The following AFF3 variants were observed in gnomAD, a reference collection of about 807,000 sequenced individuals.
AFF3 encodes ALF transcription elongation factor 3.
In AFF3, 32 loss-of-function variants were observed where a neutral mutation model predicts 129.7. The observed-to-expected ratio is 0.25, with a 90% CI of 0.19 to 0.33. The LOEUF (loss-of-function observed/expected upper bound fraction) is 0.33, where lower values mean the gene tolerates loss of function less well. AFF3 is among the 10% of genes least tolerant of loss of function. The pLI, the probability that AFF3 is intolerant of heterozygous loss-of-function variation, is 1.00. For missense variants in AFF3, 1,373 were observed against 1,592.0 expected (o/e 0.86, Z 2.34); for synonymous variants, 644 against 635.4 (o/e 1.01, Z -0.20).
chr2:99,957,169 A>ACGTGTGTGTGTG (rs759803082), intron 7 of AFF3, among the ~76,000 whole-genome samples: 2 of 148,560 alleles, frequency 1.3e-5, no homozygotes, highest in Non-Finnish European at 3.0e-5. Context: ...GTGTGCATGT[A>ACGTGTGTGTGTG]CGTGTGTGTG....
chr2:99,808,397 A>T (rs1686520062), intron 8 of AFF3, among the ~76,000 whole-genome samples: 1 of 152,238 alleles, frequency 6.6e-6, no homozygotes, highest in African/African-American at 2.4e-5. Flanking sequence ...CACTGGATTC[A>T]CCAGCACACT....
intron 4 of AFF3, among the ~76,000 whole-genome samples, chr2:100,070,977 C>T (rs1443381791): frequency 2.0e-5 from 3 of 151,936 alleles, no homozygotes; most frequent in African/African-American, 7.3e-5. Context: ...TTCTGGTTTT[C>T]AGTATTAAAA....
chr2:99,828,032 G>C (rs1688224259), intron 8 of AFF3, among the ~76,000 whole-genome samples: 1 of 152,130 alleles, frequency 6.6e-6, no homozygotes, highest in South Asian at 2.1e-4. Flanking sequence ...TCTAAGCCAG[G>C]CATTCCCAAT....
chr2:99,909,164 T>C (rs186956193), intron 7 of AFF3, among the ~76,000 whole-genome samples: 2,339 of 152,030 alleles, frequency 0.015, 65 homozygotes, highest in African/African-American at 0.054. Flanking sequence ...GCCATAAAAA[T>C]GATGAGTTCA....
intron 13 of AFF3, among the ~76,000 whole-genome samples, chr2:99,627,945 A>G (rs1575544754): frequency 6.7e-6 from 1 of 148,572 alleles, no homozygotes; most frequent in Non-Finnish European, 1.5e-5. Context: ...ACCAGTACCC[A>G]TGTTGTTTTG....
chr2:99,597,782 G>C (rs1679435714), intron 14 of AFF3, among the ~76,000 whole-genome samples: 2 of 152,250 alleles, frequency 1.3e-5, no homozygotes, highest in African/African-American at 4.8e-5. Flanking sequence ...TCCATCCGGG[G>C]TTTCTGCCCA....
chr2:99,787,379 G>T (rs1684878909), intron 8 of AFF3, among the ~76,000 whole-genome samples: 2 of 152,094 alleles, frequency 1.3e-5, no homozygotes, highest in South Asian at 4.1e-4. Context: ...CCCACGTTAG[G>T]CATCAAGACA....
At chr2:99,750,948 C>A (rs1681596050) in intron 9 of AFF3, among the ~76,000 whole-genome samples, 1 of 152,094 alleles carries the variant, frequency 6.6e-6, no homozygotes, top group Admixed American at 6.5e-5. Flanking sequence ...AAGAAAATCT[C>A]TATATATTCA....
Position 99,578,016 on chromosome 2 carries a change from C to T in AFF3, c.2918+311G>A, listed in dbSNP as rs557797278. 4.6e-5 allele frequency among the ~76,000 whole-genome samples: 7 copies of T among 152,320 alleles called. No homozygotes were observed. The East Asian group carries it at 7.7e-4, about 17-fold the overall frequency. ...CTTTCTAGTAGCATAAAACCGCCAACAGCCCAAGTACAAGTGCTTAGAAGT... is the reference window on the plus strand; with the variant it reads ...CTTTCTAGTAGCATAAAACCGCCAATAGCCCAAGTACAAGTGCTTAGAAGT... On this transcript the variant is annotated intron_variant, in intron 18 of 24. Coordinates refer to ENST00000672756, the MANE Select transcript of AFF3 (RefSeq NM_001386135.1).
rs192549350 is a variant in AFF3, at chr2:99,813,724, C to A, written c.921+23753G>T. 4.5e-3 allele frequency among the ~76,000 whole-genome samples: 685 copies of A among 152,306 alleles called. 17 individuals carry two copies. Among genetic ancestry groups the A allele is most frequent in the Admixed American group, 0.04 (613 of 15,306 alleles). ...CTCTGTATCTAAGATGTCAGCTTCA[C>A]ACAGATGGAATTTTGGGAAGAATCT... On this transcript the variant is annotated intron_variant, in intron 8 of 24. Coordinates refer to ENST00000672756, the MANE Select transcript of AFF3 (RefSeq NM_001386135.1).
intron 8 of AFF3, among the ~76,000 whole-genome samples, chr2:99,757,163 G>A (rs1473827283): frequency 6.6e-6 from 1 of 152,038 alleles, no homozygotes; most frequent in Non-Finnish European, 1.5e-5. Context: ...TCTTTCCCTG[G>A]CTGATCTTGC....
At chr2:100,104,617 C>G in intron 3 of AFF3, 99 bp from the exon 4 acceptor site, 1 of 960,462 alleles carries the variant, frequency 1.0e-6, no homozygotes, top group Non-Finnish European at 1.2e-6. Context: ...CGACGCCCCC[C>G]GCCCCCGACT....
chr2:99,954,538 G>A (rs1417981538), intron 7 of AFF3, among the ~76,000 whole-genome samples: 1 of 151,898 alleles, frequency 6.6e-6, no homozygotes, highest in African/African-American at 2.4e-5. Context: ...ATGATAGACT[G>A]GATTAAGAAA....
chr2:100,139,845 A>G (rs555668875), intron 1 of AFF3, among the ~76,000 whole-genome samples: 1 of 152,246 alleles, frequency 6.6e-6, no homozygotes, highest in Non-Finnish European at 1.5e-5. Context: ...GGATGATTGC[A>G]CTAAAGGATT....
chr2:99,915,391 T>A (rs186653628), intron 7 of AFF3, among the ~76,000 whole-genome samples: 1 of 152,128 alleles, frequency 6.6e-6, no homozygotes. Context: ...TATATAAACA[T>A]ACAAATGTAA....
intron 18 of AFF3, among the ~76,000 whole-genome samples, chr2:99,572,286 T>TCCCCCCCCC (rs1383965658): frequency 4.4e-4 from 20 of 45,672 alleles, no homozygotes; most frequent in Non-Finnish European, 5.1e-4. Flanking sequence ...CTCTTCCCCC[T>TCCCCCCCCC]CCCACCACCC....
At chr2:99,863,529 T>C (rs1203599910) in intron 7 of AFF3, among the ~76,000 whole-genome samples, 1 of 152,208 alleles carries the variant, frequency 6.6e-6, no homozygotes, top group Non-Finnish European at 1.5e-5. Context: ...GGAAAAATAT[T>C]TGGATTCCTC....
chr2:99,841,294 T>C (rs1243271759), intron 7 of AFF3, among the ~76,000 whole-genome samples: 9 of 152,226 alleles, frequency 5.9e-5, no homozygotes, highest in Admixed American at 1.3e-4. Context: ...GATGCCCTAT[T>C]AGATACTTCT....
intron 7 of AFF3, among the ~76,000 whole-genome samples, chr2:99,971,334 C>T (rs1678355655): frequency 1.3e-5 from 2 of 152,356 alleles, no homozygotes; most frequent in South Asian, 4.1e-4. Flanking sequence ...CTGCTACCCC[C>T]AGAATAATCT....
Sources: allele counts gnomAD v4.1 joint callset (sites outside exome capture counted in the v4.1 genomes callset), GRCh38; gene constraint gnomAD v4.1.1; transcripts MANE v1.5; gene names NCBI Gene and HGNC (gene_info 2026-07-23, HGNC 2026-07-21).